Variants in ZNF462 observed in about 807,000 individuals in gnomAD.
ZNF462 encodes the protein zinc finger protein 462, also known as zinc finger PBX1-interacting protein.
ZNF462 carries 10 observed loss-of-function variants against 201.9 expected under a neutral mutation model. The observed-to-expected ratio is 0.05, with a 90% CI of 0.03 to 0.08. The LOEUF is 0.08. Ranked by LOEUF, ZNF462 falls within the 10% of genes least tolerant of loss-of-function variation. ZNF462 has a pLI of 1.00. For synonymous variants in ZNF462, 1,227 were observed against 1,193.3 expected (o/e 1.03, Z -0.58); for missense variants, 2,523 against 3,168.3 (o/e 0.80, Z 4.89).
intron 11 of ZNF462, among the ~76,000 whole-genome samples, chr9:107,004,273 C>G (rs913607837): frequency 6.6e-6 from 1 of 152,150 alleles, no homozygotes; most frequent in Non-Finnish European, 1.5e-5. Flanking sequence ...GATATTGACC[C>G]AGAGATGAGA....
rs1472314729 is a variant in ZNF462, at chr9:106,929,465, C to T, written c.5553C>T (p.Cys1851=). 6.2e-7 allele frequency: 1 copy of T among 1,614,026 alleles called. No homozygotes were observed. The highest frequency in any genetic ancestry group is 1.3e-5 in the African/African-American group (1 of 74,932). Residue 1851 remains cysteine, a synonymous_variant, in exon 3 of 13, where the codon TGC becomes TGT. Coordinates refer to ENST00000277225, the MANE Select transcript of ZNF462 (RefSeq NM_021224.6). The surrounding 1 kb of genome is among the most constrained non-coding windows in gnomAD (Gnocchi z 8.7). ...GGCTCCCATTCCGCTGCATCAAATG[C>T]TTCAAGCTGTCCTTTAGCACTGCAG... ...IEWLPFRCIK[C]FKLSFSTAEL... is the part of the protein sequence containing the mutation.
chr9:106,864,043 T>TCTCTCTCC, intron 1 of ZNF462, among the ~76,000 whole-genome samples: 1 of 29,030 alleles, frequency 3.4e-5, no homozygotes, highest in Admixed American at 2.8e-4. Flanking sequence ...TATTTGGCTC[T>TCTCTCTCC]CTCTCTCTCT....
Position 107,012,008 on chromosome 9 carries a change from GTTA to G in ZNF462, c.*981_*983del, listed in dbSNP as rs966166985. The G allele has an allele frequency of 4.1e-5, 6 of 146,866 alleles. No individual in the cohort carries two copies. Among genetic ancestry groups the G allele is most frequent in the East Asian group, 4.1e-4 (2 of 4,910 alleles). 9.1% of individuals were successfully genotyped at this position (146,866 alleles called of 1,614,324 possible). ...ATGAATTGTTTTTCGTGTGTGTGTT[GTTA>G]TTGTTGTTTTAATTTCGGGGCAAGG... On this transcript the variant is annotated 3_prime_UTR_variant, in exon 13 of 13. Coordinates refer to ENST00000277225, the MANE Select transcript of ZNF462 (RefSeq NM_021224.6).
In ZNF462 at chr9:107,003,174, T is replaced by G; in HGVS notation, c.7057-120T>G. The stretch of plus-strand genomic sequence containing the variant: ...AAAGACCTCTTAGGCCCCGGAGTTG[T>G]TTGGTCCTGGTTGCAAAACCACAGT... On this transcript the variant is annotated intron_variant, in intron 10 of 12. Coordinates refer to ENST00000277225, the MANE Select transcript of ZNF462 (RefSeq NM_021224.6). The surrounding 1 kb of genome is among the most constrained non-coding windows in gnomAD (Gnocchi z 4.4). The G allele has an allele frequency of 7.2e-7, 1 of 1,392,876 alleles. No homozygotes were observed. Among genetic ancestry groups the G allele is most frequent in the Non-Finnish European group, 9.7e-7 (1 of 1,027,052 alleles). The allele number at this position is 1,392,876 out of a possible 1,614,324, so 86.3% of individuals were successfully genotyped here.
chr9:106,946,285 A>G (rs1831102555), intron 7 of ZNF462, among the ~76,000 whole-genome samples: 1 of 152,242 alleles, frequency 6.6e-6, no homozygotes, highest in Admixed American at 6.5e-5. Context: ...GAAGAAATCT[A>G]CTTTATTCTT....
At chr9:106,894,453 C>T (rs1314452410) in intron 1 of ZNF462, among the ~76,000 whole-genome samples, 2 of 152,324 alleles carry the variant, frequency 1.3e-5, no homozygotes, top group East Asian at 3.9e-4. Context: ...GGAGGGATCT[C>T]TAACTCTTTA....
intron 7 of ZNF462, among the ~76,000 whole-genome samples, chr9:106,964,355 T>C (rs1239607327): frequency 6.6e-6 from 1 of 152,038 alleles, no homozygotes. Flanking sequence ...ATAATCACCA[T>C]CCTAACTAGG....
intron 7 of ZNF462, among the ~76,000 whole-genome samples, chr9:106,943,080 G>GTGTGTGTC (rs1830955580): frequency 6.6e-6 from 1 of 151,604 alleles, no homozygotes; most frequent in African/African-American, 2.4e-5. Flanking sequence ...GTGTGTGTGT[G>GTGTGTGTC]TGTGTGTGTG....
chr9:106,954,743 G>C lies in ZNF462; in HGVS notation c.6427+15636G>C, dbSNP rs993857374. ...TCCTTCATTTCTGTGATGCAACAGT[G>C]ATCTCCCGAGATGTGAGTCAACTCT... is the stretch of plus-strand genomic sequence containing the variant. On this transcript the variant is annotated intron_variant, in intron 7 of 12. Coordinates refer to ENST00000277225, the MANE Select transcript of ZNF462 (RefSeq NM_021224.6). This position sits in a 1 kb window ranked among gnomAD's most constrained non-coding sequence, Gnocchi z 4.0. Among the ~76,000 whole-genome samples, 2 of 152,062 alleles carry C rather than the reference G, an allele frequency of 1.3e-5. No individual in the cohort carries two copies. The highest frequency in any genetic ancestry group is 4.8e-5 in the African/African-American group (2 of 41,392).
chr9:106,896,132 T>TA (rs1828801663), intron 1 of ZNF462, among the ~76,000 whole-genome samples: 1 of 152,158 alleles, frequency 6.6e-6, no homozygotes, highest in Non-Finnish European at 1.5e-5. Flanking sequence ...TTTTTAATGT[T>TA]AGTCTCATCC....
chr9:106,997,261 C>T (rs1245989703), intron 10 of ZNF462, among the ~76,000 whole-genome samples: 1 of 152,114 alleles, frequency 6.6e-6, no homozygotes, highest in South Asian at 2.1e-4. Context: ...GAGAAAACAG[C>T]ACGAAAGCTC....
chr9:106,931,843 A>G (rs1320128112), intron 4 of ZNF462, among the ~76,000 whole-genome samples: 1 of 152,222 alleles, frequency 6.6e-6, no homozygotes, highest in Non-Finnish European at 1.5e-5. Flanking sequence ...TAATGGCCCA[A>G]GGCTCCTCAA....
At position 107,009,273 on chromosome 9, in the gene ZNF462, T is replaced by G. The variant is rs1329232801; in HGVS notation, c.7190-272T>G. 1 of 416,406 alleles carries G rather than the reference T, an allele frequency of 2.4e-6. No individual in the cohort carries two copies. Among genetic ancestry groups the G allele is most frequent in the East Asian group, 3.8e-5 (1 of 26,196 alleles). 25.8% of individuals were successfully genotyped at this position (416,406 alleles called of 1,614,324 possible). ...TTTGGAATCTCGGGCAAGCGGCTCTTCAGTCAAGAAAGACCCAGATTTTGT... is the reference window on the plus strand; with the variant it reads ...TTTGGAATCTCGGGCAAGCGGCTCTGCAGTCAAGAAAGACCCAGATTTTGT... On this transcript the variant is annotated intron_variant, in intron 11 of 12. Coordinates refer to ENST00000277225, the MANE Select transcript of ZNF462 (RefSeq NM_021224.6). The surrounding 1 kb of genome is among the most constrained non-coding windows in gnomAD (Gnocchi z 6.1).
At chr9:106,943,056 G>A (rs936937555) in intron 7 of ZNF462, among the ~76,000 whole-genome samples, 3 of 100,892 alleles carry the variant, frequency 3.0e-5, no homozygotes, top group South Asian at 3.1e-4. Context: ...TGTTTTGCGC[G>A]CGCGTGTGTG....
chr9:107,006,743 C>T lies in ZNF462; in HGVS notation c.7190-2802C>T, dbSNP rs557902874. Among the ~76,000 whole-genome samples the T allele has an allele frequency of 6.6e-6, 1 of 152,210 alleles. No individual in the cohort carries two copies. The highest frequency in any genetic ancestry group is 2.1e-4 in the South Asian group (1 of 4,818). On this transcript the variant is annotated intron_variant, in intron 11 of 12. Coordinates refer to ENST00000277225, the MANE Select transcript of ZNF462 (RefSeq NM_021224.6). The surrounding 1 kb of genome is among the most constrained non-coding windows in gnomAD (Gnocchi z 4.3). The stretch of plus-strand genomic sequence containing the variant: ...GGGGCCCCAGTTTGGCTCTTGAACC[C>T]CTGACCAAGACAGTCAGCAGGAAAT...
chr9:106,879,340 C>G (rs1357069536), intron 1 of ZNF462, among the ~76,000 whole-genome samples: 1 of 111,416 alleles, frequency 9.0e-6, no homozygotes, highest in Non-Finnish European at 1.8e-5. Flanking sequence ...CCACCCCCCC[C>G]CCCACCCCCC....
intron 10 of ZNF462, among the ~76,000 whole-genome samples, chr9:106,989,827 A>G (rs542608381): frequency 1.3e-5 from 2 of 152,250 alleles, no homozygotes; most frequent in African/African-American, 4.8e-5. Context: ...TTATGTGCGT[A>G]AAGGTGTTCA....
chr9:106,952,144 A>G (rs1047119360), intron 7 of ZNF462, among the ~76,000 whole-genome samples: 1 of 152,146 alleles, frequency 6.6e-6, no homozygotes, highest in Non-Finnish European at 1.5e-5. Context: ...TACCATTCAC[A>G]TTGTTGTTAA....
At chr9:106,967,807 T>A (rs1458210196) in intron 7 of ZNF462, among the ~76,000 whole-genome samples, 1 of 152,152 alleles carries the variant, frequency 6.6e-6, no homozygotes, top group East Asian at 1.9e-4. Context: ...CTTCTAGAAA[T>A]GTCTCCTGTG....
Sources: allele counts gnomAD v4.1 joint callset (sites outside exome capture counted in the v4.1 genomes callset), GRCh38; gene constraint gnomAD v4.1.1; non-coding constraint Gnocchi (gnomAD v3.1); transcripts MANE v1.5; gene names NCBI Gene and HGNC (gene_info 2026-07-23, HGNC 2026-07-21).